The following CHL1 variants were observed in gnomAD, a reference collection of about 807,000 sequenced individuals.
CHL1 encodes neural cell adhesion molecule L1-like protein.
In CHL1, 96 loss-of-function variants were observed where a neutral mutation model predicts 141.9. The ratio of observed to expected loss-of-function variants is 0.68; its 90% CI spans 0.57 to 0.80. CHL1 has a LOEUF of 0.80. Ranked by LOEUF, CHL1 falls within the 30% of genes least tolerant of loss-of-function variation. The probability of loss-of-function intolerance (pLI) is 0.00; values close to 1 mark genes in which losing one functional copy is unlikely to be tolerated. For missense variants in CHL1, 1,820 were observed against 1,457.2 expected (o/e 1.25, Z -4.05); for synonymous variants, 613 against 502.2 (o/e 1.22, Z -2.95).
At chr3:360,858 T>C (rs1427009048) in intron 12 of CHL1, among the ~76,000 whole-genome samples, 10 of 150,022 alleles carry the variant, frequency 6.7e-5, no homozygotes, top group African/African-American at 1.2e-4. Flanking sequence ...TTTTTGTTCT[T>C]GCGATAGTTT....
intron 1 of CHL1, chr3:213,188 T>G (rs1000860035): frequency 2.0e-5 from 3 of 152,246 alleles, no homozygotes; most frequent in Non-Finnish European, 2.9e-5. Flanking sequence ...TACTTGAGAC[T>G]TTCAACTTTT....
chr3:403,407 G>A (rs932275011), intron 27 of CHL1, among the ~76,000 whole-genome samples: 1 of 152,032 alleles, frequency 6.6e-6, no homozygotes, highest in Non-Finnish European at 1.5e-5. Flanking sequence ...AATTCCATGA[G>A]GCAATGATCA....
chr3:202,183 C>G (rs1699011841), intron 1 of CHL1, among the ~76,000 whole-genome samples: 1 of 152,156 alleles, frequency 6.6e-6, no homozygotes, highest in African/African-American at 2.4e-5. Flanking sequence ...TCACATGTCA[C>G]ATGTGTTCTT....
intron 2 of CHL1, among the ~76,000 whole-genome samples, chr3:318,550 T>C (rs1056258603): frequency 1.3e-5 from 2 of 151,710 alleles, no homozygotes; most frequent in Non-Finnish European, 2.9e-5. Flanking sequence ...AAATTGAAAT[T>C]GTAAGAGAAA....
At chr3:362,635 A>G (rs1370445612) in intron 13 of CHL1, among the ~76,000 whole-genome samples, 4 of 147,278 alleles carry the variant, frequency 2.7e-5, no homozygotes, top group Non-Finnish European at 6.0e-5. Flanking sequence ...AAAAAAAAAA[A>G]GAAACTCAAG....
At chr3:233,395 C>A (rs929379352) in intron 1 of CHL1, among the ~76,000 whole-genome samples, 1 of 152,152 alleles carries the variant, frequency 6.6e-6, no homozygotes, top group Non-Finnish European at 1.5e-5. Context: ...GCCATTCTTT[C>A]ATTTGTAGCT....
rs1707134067 is a variant in CHL1 at position 382,226 on chromosome 3, A to G, written c.1924A>G (p.Arg642Gly). 1 of 1,613,804 alleles carries G rather than the reference A, an allele frequency of 6.2e-7. No individual in the cohort carries two copies. Among genetic ancestry groups the G allele is most frequent in the Non-Finnish European group, 8.5e-7 (1 of 1,179,766 alleles). The change falls in exon 17 of 28, where the codon AGG (arginine) becomes GGG (glycine). Residue 642 changes from arginine (R) to glycine (G), a missense_variant. Arg to Gly is a moderately radical substitution (Grantham distance 125). Coordinates refer to ENST00000256509, the MANE Select transcript of CHL1 (RefSeq NM_006614.4). ...CCTTCACTTGTCTGAAAGACAGAACAGGAGTGTTCGGCTGACCTGGGAAGC... is the reference window on the plus strand; with the variant it reads ...CCTTCACTTGTCTGAAAGACAGAACGGGAGTGTTCGGCTGACCTGGGAAGC... ...ENLHLSERQN[R>G]SVRLTWEAGA...
chr3:344,925 G>C (rs990068583), intron 9 of CHL1, among the ~76,000 whole-genome samples: 9 of 152,110 alleles, frequency 5.9e-5, no homozygotes, highest in Non-Finnish European at 1.3e-4. Flanking sequence ...GGAGTTGGAG[G>C]CTGCAGTGAG....
intron 5 of CHL1, among the ~76,000 whole-genome samples, chr3:328,629 T>C (rs1367170619): frequency 6.6e-6 from 1 of 152,106 alleles, no homozygotes; most frequent in Non-Finnish European, 1.5e-5. Context: ...ATTAAACATA[T>C]TATTAGTTAA....
intron 3 of CHL1, among the ~76,000 whole-genome samples, chr3:322,855 T>C (rs76099360): frequency 0.015 from 2,248 of 150,932 alleles, 93 homozygotes; most frequent in Admixed American, 0.097. Flanking sequence ...TCAGGTGATA[T>C]TTAATGTCCA....
At chr3:242,248 A>G (rs1692651755) in intron 1 of CHL1, among the ~76,000 whole-genome samples, 1 of 152,190 alleles carries the variant, frequency 6.6e-6, no homozygotes, top group South Asian at 2.1e-4. Context: ...TGGTCTGTGC[A>G]TCTCTTTCCA....
rs1333876446 is a variant in CHL1, at chr3:326,310, G to A, written c.197+246G>A. On this transcript the variant is annotated intron_variant, in intron 4 of 27. Transcript: ENST00000256509. ...ATTAAAATACTTAGAGTAGTCTTTG[G>A]TACAGCAGAAATACTCCACAATCCC... Among the ~76,000 whole-genome samples, 4 of 151,922 alleles carry A rather than the reference G, an allele frequency of 2.6e-5. No homozygotes were observed. In the East Asian group the frequency reaches 5.8e-4, roughly 22 times the overall value.
chr3:254,935 C>T (rs375382994), intron 2 of CHL1, among the ~76,000 whole-genome samples: 1 of 152,154 alleles, frequency 6.6e-6, no homozygotes, highest in Non-Finnish European at 1.5e-5. Flanking sequence ...GGGATGCATT[C>T]AAACCCTACC....
rs1575269743 is a variant in CHL1, at chr3:390,648, A to T, written c.2471-53A>T. The T allele has an allele frequency of 6.5e-6, 7 of 1,076,510 alleles. No individual in the cohort carries two copies. In the East Asian group the frequency reaches 1.7e-4, roughly 25 times the overall value. 66.7% of individuals were successfully genotyped at this position (1,076,510 alleles called of 1,614,324 possible). On this transcript the variant is annotated intron_variant, in intron 20 of 27. Transcript: ENST00000256509. ...TATGAAAATTTTTGAAAAGGATCCT[A>T]ACAATCACATTTGCAGGTTATTGAA...
chr3:203,486 A>G (rs796122795), intron 1 of CHL1, among the ~76,000 whole-genome samples: 13 of 152,312 alleles, frequency 8.5e-5, no homozygotes, highest in African/African-American at 2.9e-4. Flanking sequence ...CCTTTCTTTT[A>G]TATAGATCCT....
At chr3:229,205 G>T (rs1395617899) in intron 1 of CHL1, among the ~76,000 whole-genome samples, 2 of 152,162 alleles carry the variant, frequency 1.3e-5, no homozygotes, top group African/African-American at 4.8e-5. Context: ...CTGCTAGCAT[G>T]TTTTATGCCC....
intron 11 of CHL1, among the ~76,000 whole-genome samples, chr3:357,254 G>C (rs554797782): frequency 6.6e-6 from 1 of 152,228 alleles, no homozygotes; most frequent in African/African-American, 2.4e-5. Flanking sequence ...TTATAGGCTG[G>C]GATATTTGAT....
chr3:395,762 T>C (rs1315825221), intron 24 of CHL1, among the ~76,000 whole-genome samples: 2 of 152,274 alleles, frequency 1.3e-5, no homozygotes, highest in African/African-American at 4.8e-5. Flanking sequence ...CACTTACTTT[T>C]GCACCAATCT....
At position 296,846 on chromosome 3, in the gene CHL1, G is replaced by T. The variant is rs545184821; in HGVS notation, c.-94-22837G>T. ...AATGTTTATATATTTCTTTAGGTTT[G>T]TTGGAATATATGTGCATGTAATTAT... is the stretch of plus-strand genomic sequence containing the variant. On this transcript the variant is annotated intron_variant, in intron 2 of 27. Transcript: ENST00000256509. Among the ~76,000 whole-genome samples the T allele has an allele frequency of 2.8e-4, 42 of 152,302 alleles. No homozygotes were observed. In the South Asian group the frequency reaches 8.3e-3, roughly 30 times the overall value.
Sources: gnomAD v4.1 joint callset for allele counts (sites outside exome capture counted in the v4.1 genomes callset) on GRCh38, gnomAD v4.1.1 for gene constraint, MANE v1.5 for transcripts, NCBI Gene and HGNC (gene_info 2026-07-23, HGNC 2026-07-21) for gene names.